PCDHA8: variants seen among roughly 807,000 people sequenced by gnomAD.
PCDHA8 encodes protocadherin alpha-8.
PCDHA8 carries 53 observed loss-of-function variants against 61.8 expected under a neutral mutation model. That is an observed-to-expected ratio of 0.86 (90% CI 0.69 to 1.08). PCDHA8 has a LOEUF of 1.08. Ranked by LOEUF, PCDHA8 falls within the 50% of genes least tolerant of loss-of-function variation. The probability of loss-of-function intolerance (pLI) is 0.00; values close to 1 mark genes in which losing one functional copy is unlikely to be tolerated. For missense variants in PCDHA8, 1,293 were observed against 1,245.0 expected (o/e 1.04, Z -0.58); for synonymous variants, 618 against 556.6 (o/e 1.11, Z -1.55).
intron 1 of PCDHA8, among the ~76,000 whole-genome samples, chr5:140,902,203 C>CTTT (rs148688132): frequency 4.8e-5 from 6 of 124,458 alleles, no homozygotes; most frequent in Non-Finnish European, 8.4e-5. Flanking sequence ...CTCTCTCTTT[C>CTTT]TTTTTTTTTT....
At chr5:140,966,925 A>T in intron 1 of PCDHA8, 8 of 1,603,462 alleles carry the variant, frequency 5.0e-6, no homozygotes, top group African/African-American at 1.3e-5. Context: ...AGGAGCAGGC[A>T]CCCGGCGCGC....
intron 1 of PCDHA8, among the ~76,000 whole-genome samples, chr5:140,946,707 A>C (rs2094013917): frequency 6.7e-6 from 1 of 150,204 alleles, no homozygotes; most frequent in East Asian, 1.9e-4. Context: ...TCTGGAGGTC[A>C]TTATGTTTAG....
chr5:141,000,651 C>G (rs1325110453), intron 3 of PCDHA8, among the ~76,000 whole-genome samples: 2 of 151,708 alleles, frequency 1.3e-5, no homozygotes, highest in African/African-American at 4.8e-5. Flanking sequence ...TGGTCTCGAA[C>G]TCCTGACCTC....
chr5:141,008,438 A>G (rs1214725080), intron 3 of PCDHA8, among the ~76,000 whole-genome samples: 1 of 152,204 alleles, frequency 6.6e-6, no homozygotes, highest in Admixed American at 6.5e-5. Flanking sequence ...TTGCCCAGAC[A>G]GACCATTACC....
intron 1 of PCDHA8, among the ~76,000 whole-genome samples, chr5:140,947,885 A>G (rs2094188913): frequency 6.6e-6 from 1 of 151,584 alleles, no homozygotes; most frequent in Non-Finnish European, 1.5e-5. Context: ...AGGACAATAT[A>G]AACAGAAGTG....
In PCDHA8 at chr5:140,855,883, A is replaced by G. The variant is rs2043659343; in HGVS notation, c.2394+12168A>G. 3.2e-6 allele frequency: 3 copies of G among 946,140 alleles called. 1 individual carries two copies. Among genetic ancestry groups the G allele is most frequent in the African/African-American group, 3.3e-5 (2 of 60,716 alleles). 58.6% of individuals were successfully genotyped at this position (946,140 alleles called of 1,614,324 possible). On this transcript the variant is annotated intron_variant, in intron 1 of 3. Coordinates refer to ENST00000531613, the MANE Select transcript of PCDHA8 (RefSeq NM_018911.3). The stretch of plus-strand genomic sequence containing the variant: ...GCTGTCGTCCACAAAATAGCTTTTT[A>G]GAACAAAGGCATCAGCCAGTTTCTC...
intron 1 of PCDHA8, among the ~76,000 whole-genome samples, chr5:140,976,093 A>G (rs782314077): frequency 6.6e-6 from 1 of 152,238 alleles, no homozygotes; most frequent in African/African-American, 2.4e-5. Context: ...TCAGTAGTCA[A>G]CTTTTCAACT....
At chr5:140,988,519 T>C (rs187868159) in intron 3 of PCDHA8, among the ~76,000 whole-genome samples, 69 of 152,324 alleles carry the variant, frequency 4.5e-4, no homozygotes, top group African/African-American at 1.5e-3. Context: ...TACTTAAGTC[T>C]CTGCTGGCTC....
At position 140,855,991 on chromosome 5, in the gene PCDHA8, A is replaced by C; in HGVS notation, c.2394+12276A>C. On this transcript the variant is annotated intron_variant, in intron 1 of 3. Coordinates refer to ENST00000531613, the MANE Select transcript of PCDHA8 (RefSeq NM_018911.3). ...TAAGAAATAGGACAGAAAATGTCAG[A>C]TCGTATGTGCGTTCTAGACCGCTGA... 2.0e-6 allele frequency: 3 copies of C among 1,492,426 alleles called. 1 individual carries two copies. In the South Asian group the frequency reaches 3.9e-5, roughly 20 times the overall value. 92.4% of individuals were successfully genotyped at this position (1,492,426 alleles called of 1,614,324 possible). A position where few individuals can be genotyped will look rare whatever the true frequency, so the allele number is the denominator to read the frequency against.
intron 1 of PCDHA8, among the ~76,000 whole-genome samples, chr5:140,941,304 C>T (rs1477431460): frequency 4.7e-5 from 4 of 84,830 alleles, no homozygotes; most frequent in African/African-American, 8.5e-5. Flanking sequence ...TTCTTTCTTT[C>T]TTTTTCTTCT....
At chr5:140,967,609 C>T (rs1026350659) in intron 1 of PCDHA8, 26 of 1,614,056 alleles carry the variant, frequency 1.6e-5, no homozygotes, top group Middle Eastern at 1.6e-4. Flanking sequence ...AGCTGAATGC[C>T]TCAGACCCGG....
chr5:140,928,892 T>C, intron 1 of PCDHA8: 1 of 1,614,198 alleles, frequency 6.2e-7, no homozygotes, highest in Non-Finnish European at 8.5e-7. Flanking sequence ...CTTCCAGACT[T>C]TGAAGATGTC....
chr5:141,000,395 C>CTCTATAAA (rs1213762225), intron 3 of PCDHA8, among the ~76,000 whole-genome samples: 2 of 53,986 alleles, frequency 3.7e-5, no homozygotes, highest in African/African-American at 1.5e-4. Context: ...CTCTCTCTCT[C>CTCTATAAA]TATATATATA....
intron 1 of PCDHA8, among the ~76,000 whole-genome samples, chr5:140,942,913 G>GA (rs58669311): frequency 1.5e-4 from 23 of 148,948 alleles, no homozygotes; most frequent in Middle Eastern, 3.5e-3. Flanking sequence ...TAAGCGTGAA[G>GA]AAAAAAAAAA....
At chr5:140,991,991 T>C (rs1420188681) in intron 3 of PCDHA8, among the ~76,000 whole-genome samples, 1 of 151,444 alleles carries the variant, frequency 6.6e-6, no homozygotes, top group Admixed American at 6.6e-5. Context: ...TACCACCCGG[T>C]CTTTCATGTT....
chr5:140,941,259 T>TTC (rs1340815463), intron 1 of PCDHA8, among the ~76,000 whole-genome samples: 28 of 121,830 alleles, frequency 2.3e-4, no homozygotes, highest in East Asian at 1.1e-3. Flanking sequence ...TTCTTTCTCT[T>TTC]TCTTTCTTTC....
intron 1 of PCDHA8, among the ~76,000 whole-genome samples, chr5:140,907,747 G>A (rs782672220): frequency 7.9e-5 from 12 of 152,172 alleles, no homozygotes; most frequent in Admixed American, 2.0e-4. Flanking sequence ...TGGCCACTTT[G>A]TTCATGGGCC....
chr5:140,881,409 A>G (rs2153379419), intron 1 of PCDHA8: 1 of 950,550 alleles, frequency 1.1e-6, no homozygotes, highest in East Asian at 1.2e-4. Context: ...TTAAATCAAT[A>G]GGATATTAGT....
At chr5:140,929,330 G>A (rs2086062257) in intron 1 of PCDHA8, 1 of 1,535,218 alleles carries the variant, frequency 6.5e-7, no homozygotes, top group Non-Finnish European at 8.8e-7. Flanking sequence ...GCCATGGTAA[G>A]CAAATTTTAT....
Sources: gnomAD v4.1 joint callset for allele counts (sites outside exome capture counted in the v4.1 genomes callset) on GRCh38, gnomAD v4.1.1 for gene constraint, MANE v1.5 for transcripts, NCBI Gene and HGNC (gene_info 2026-07-23, HGNC 2026-07-21) for gene names.